Variants in LHFPL7 observed in about 807,000 individuals in gnomAD.
LHFPL7 encodes the protein LHFPL tetraspan subfamily member 7 protein.
At chr22:24,946,009 A>T in the LHFPL7 span, among the ~76,000 whole-genome samples, 1 of 152,166 alleles carries the variant, frequency 6.6e-6, no homozygotes, top group African/African-American at 2.4e-5. Context: ...TGAAGATATG[A>T]TTTAAAACTA....
At chr22:24,945,302 T>A in the LHFPL7 span, among the ~76,000 whole-genome samples, 1 of 152,212 alleles carries the variant, frequency 6.6e-6, no homozygotes, top group East Asian at 1.9e-4. Flanking sequence ...CTCTGGCTCC[T>A]GGGTGGAGAA....
At chr22:24,944,872 C>T in the LHFPL7 span, among the ~76,000 whole-genome samples, 43 of 151,940 alleles carry the variant, frequency 2.8e-4, no homozygotes, top group African/African-American at 9.7e-4. Context: ...TACAATGGCG[C>T]GATCTCGGCT....
chr22:24,939,601 G>A, the LHFPL7 span: 1 of 696,964 alleles, frequency 1.4e-6, no homozygotes, highest in Non-Finnish European at 2.6e-6. Context: ...GGGACAAGGA[G>A]AGAAAGGGGC....
the LHFPL7 span, among the ~76,000 whole-genome samples, chr22:24,938,813 C>A: frequency 2.6e-5 from 4 of 152,156 alleles, no homozygotes; most frequent in Non-Finnish European, 5.9e-5. Context: ...GACTTTAACA[C>A]CTTAGCTTTC....
chr22:24,937,550 G>A, the LHFPL7 span, among the ~76,000 whole-genome samples: 1 of 152,186 alleles, frequency 6.6e-6, no homozygotes, highest in Non-Finnish European at 1.5e-5. Context: ...AACAGGACTC[G>A]TTTGTCCAGT....
chr22:24,935,546 G>A, the LHFPL7 span: 2 of 1,613,740 alleles, frequency 1.2e-6, no homozygotes, highest in Non-Finnish European at 1.7e-6. Context: ...TGATGAATGG[G>A]GAGGCAAGGC....
the LHFPL7 span, chr22:24,935,552 A>G: frequency 1.2e-6 from 2 of 1,613,680 alleles, no homozygotes; most frequent in Non-Finnish European, 1.7e-6. Context: ...ATGGGGAGGC[A>G]AGGCCGATTG....
the LHFPL7 span, among the ~76,000 whole-genome samples, chr22:24,937,163 A>G: frequency 6.6e-6 from 1 of 152,240 alleles, no homozygotes; most frequent in South Asian, 2.1e-4. Context: ...AAAAATATAA[A>G]GCAAAGTAAG....
the LHFPL7 span, among the ~76,000 whole-genome samples, chr22:24,943,318 T>C: frequency 6.6e-6 from 1 of 152,158 alleles, no homozygotes; most frequent in East Asian, 1.9e-4. Context: ...GAAAATCACG[T>C]CAACCGTCCA....
the LHFPL7 span, among the ~76,000 whole-genome samples, chr22:24,944,011 C>T: frequency 6.6e-6 from 1 of 152,176 alleles, no homozygotes; most frequent in South Asian, 2.1e-4. Context: ...CCCCTACCCC[C>T]AGGATACAGT....
At chr22:24,936,660 C>T in the LHFPL7 span, among the ~76,000 whole-genome samples, 3 of 152,180 alleles carry the variant, frequency 2.0e-5, no homozygotes, top group Non-Finnish European at 4.4e-5. Flanking sequence ...CCTGCACATG[C>T]CTTGCTCCCT....
At chr22:24,938,288 C>T in the LHFPL7 span, 2 of 1,612,972 alleles carry the variant, frequency 1.2e-6, no homozygotes, top group Non-Finnish European at 1.7e-6. Flanking sequence ...CAGCTGAGAC[C>T]TGCAGGGAAG....
chr22:24,936,979 A>G, the LHFPL7 span, among the ~76,000 whole-genome samples: 7 of 151,946 alleles, frequency 4.6e-5, no homozygotes, highest in Non-Finnish European at 8.8e-5. Flanking sequence ...GTCTCCATCA[A>G]TTGACTCAGC....
At chr22:24,938,343 C>T in the LHFPL7 span, 6 of 1,612,678 alleles carry the variant, frequency 3.7e-6, no homozygotes, top group East Asian at 2.2e-5. Context: ...AGCCAGCCTC[C>T]GAGGAGCATC....
chr22:24,944,414 G>A, the LHFPL7 span, among the ~76,000 whole-genome samples: 1 of 152,130 alleles, frequency 6.6e-6, no homozygotes, highest in African/African-American at 2.4e-5. Flanking sequence ...GGTGATGGAG[G>A]GAGCCACGTG....
chr22:24,935,557 C>T, the LHFPL7 span: 7 of 1,612,290 alleles, frequency 4.3e-6, no homozygotes, highest in Admixed American at 1.7e-5. Flanking sequence ...GAGGCAAGGC[C>T]GATTGGGAAA....
At chr22:24,935,678 A>G in the LHFPL7 span, 1 of 1,495,620 alleles carries the variant, frequency 6.7e-7, no homozygotes, top group South Asian at 1.3e-5. Flanking sequence ...TCCACCCTTT[A>G]TCCACCCATC....
At chr22:24,945,770 A>G in the LHFPL7 span, among the ~76,000 whole-genome samples, 2 of 152,146 alleles carry the variant, frequency 1.3e-5, no homozygotes, top group African/African-American at 2.4e-5. Context: ...GGTGCAGGCC[A>G]TGTCCAGGCT....
the LHFPL7 span, among the ~76,000 whole-genome samples, chr22:24,941,856 G>A: frequency 1.2e-4 from 19 of 152,008 alleles, no homozygotes; most frequent in South Asian, 3.9e-3. Context: ...CAGTAGAGAT[G>A]GGGTTTCACC....
Sources: allele counts gnomAD v4.1 joint callset (sites outside exome capture counted in the v4.1 genomes callset), GRCh38; gene constraint gnomAD v4.1.1; transcripts MANE v1.5; gene names NCBI Gene and HGNC (gene_info 2026-07-23, HGNC 2026-07-21).